Variants in MEGF10 observed in about 807,000 individuals in gnomAD.
MEGF10 encodes multiple epidermal growth factor-like domains protein 10.
A neutral mutation model predicts 147.5 loss-of-function variants in MEGF10; 86 were observed. The observed-to-expected ratio is 0.58, with a 90% CI of 0.49 to 0.70. MEGF10 has a LOEUF of 0.70. Ranked by LOEUF, MEGF10 falls within the 30% of genes least tolerant of loss-of-function variation. The pLI is 0.00. For synonymous variants in MEGF10, 478 were observed against 525.5 expected, an observed-to-expected ratio of 0.91 and a Z score of 1.24; for missense variants, 1,329 against 1,487.3, an observed-to-expected ratio of 0.89 and a Z score of 1.75.
rs535176618 is a variant in MEGF10 at position 127,317,727 on chromosome 5, G to A, written c.-18-13564G>A. ...AGAACACTTGGACACAGGGTGGGGA[G>A]CATCACACACCAGGGCCTGTCATGT... is the stretch of plus-strand genomic sequence containing the variant. On this transcript the variant is annotated intron_variant, in intron 1 of 24. Transcript: ENST00000503335. 4.6e-5 allele frequency among the ~76,000 whole-genome samples: 7 copies of A among 152,246 alleles called. No homozygotes were observed. The South Asian group carries it at 1.5e-3, about 32-fold the overall frequency.
intron 16 of MEGF10, among the ~76,000 whole-genome samples, chr5:127,436,899 A>G (rs1322105742): frequency 6.6e-6 from 1 of 152,214 alleles, no homozygotes; most frequent in Non-Finnish European, 1.5e-5. Flanking sequence ...CAGTGAAAAC[A>G]CAGACTTTGA....
At chr5:127,311,172 T>C (rs2161283) in intron 1 of MEGF10, among the ~76,000 whole-genome samples, 56,677 of 152,152 alleles carry the variant, frequency 0.37, 12,593 homozygotes, top group Non-Finnish European at 0.51. Flanking sequence ...TCTCATACTT[T>C]ACTCACTATT....
intron 4 of MEGF10, among the ~76,000 whole-genome samples, chr5:127,353,531 T>C (rs529023512): frequency 6.6e-6 from 1 of 152,306 alleles, no homozygotes; most frequent in South Asian, 2.1e-4. Flanking sequence ...TGTTCTTGGC[T>C]TCATCTCCAC....
chr5:127,341,430 G>A (rs1761680143), intron 4 of MEGF10, among the ~76,000 whole-genome samples: 1 of 152,178 alleles, frequency 6.6e-6, no homozygotes, highest in South Asian at 2.1e-4. Flanking sequence ...GAGGCACCAG[G>A]AATGACTGGA....
At chr5:127,245,384 T>C in the MEGF10 span, among the ~76,000 whole-genome samples, 1 of 151,942 alleles carries the variant, frequency 6.6e-6, no homozygotes, top group African/African-American at 2.4e-5. Flanking sequence ...ATAGATGGTG[T>C]TGGGAAAACT....
At chr5:127,444,309 C>T (rs188731533) in intron 19 of MEGF10, 26 of 152,296 alleles carry the variant, frequency 1.7e-4, no homozygotes, top group African/African-American at 5.5e-4. Flanking sequence ...GGTAAAATGA[C>T]TTTTACATGC....
chr5:127,246,666 G>A, the MEGF10 span, among the ~76,000 whole-genome samples: 1 of 150,086 alleles, frequency 6.7e-6, no homozygotes, highest in Non-Finnish European at 1.5e-5. Flanking sequence ...TTGTAATGTG[G>A]TTGTGAAACT....
At chr5:127,360,812 TTA>T (rs201438895) in intron 4 of MEGF10, among the ~76,000 whole-genome samples, 2 of 151,566 alleles carry the variant, frequency 1.3e-5, no homozygotes, top group Non-Finnish European at 1.5e-5. Flanking sequence ...TATATATAGG[TTA>T]TATATATATG....
chr5:127,301,490 G>A (rs1759770158), intron 1 of MEGF10, among the ~76,000 whole-genome samples: 1 of 151,958 alleles, frequency 6.6e-6, no homozygotes. Context: ...CCTTCATTTT[G>A]GCCATTGGAC....
chr5:127,263,949 A>T, the MEGF10 span, among the ~76,000 whole-genome samples: 1 of 152,162 alleles, frequency 6.6e-6, no homozygotes, highest in Admixed American at 6.6e-5. Context: ...TAAAAGAAAT[A>T]GACTGTGGGA....
intron 9 of MEGF10, among the ~76,000 whole-genome samples, chr5:127,413,359 A>G (rs936770594): frequency 6.6e-6 from 1 of 152,204 alleles, no homozygotes; most frequent in Non-Finnish European, 1.5e-5. Context: ...GCTTTTGGTA[A>G]TAAAGACATT....
At chr5:127,317,606 T>C (rs1237335067) in intron 1 of MEGF10, among the ~76,000 whole-genome samples, 1 of 152,104 alleles carries the variant, frequency 6.6e-6, no homozygotes. Flanking sequence ...TGCAGGGACA[T>C]GGATGAAGCT....
chr5:127,256,620 G>T, the MEGF10 span, among the ~76,000 whole-genome samples: 4 of 152,022 alleles, frequency 2.6e-5, no homozygotes, highest in Non-Finnish European at 1.5e-5. Flanking sequence ...TATTACTGTG[G>T]TCCCTATACC....
At chr5:127,398,883 C>A in intron 7 of MEGF10, 87 bp downstream of exon 7, 1 of 1,551,696 alleles carries the variant, frequency 6.4e-7, no homozygotes, top group Non-Finnish European at 8.8e-7. Context: ...GAGACTTTAG[C>A]ACAAAGGAAA....
rs893376574 is a variant in MEGF10 at position 127,402,636 on chromosome 5, G to A, written c.871G>A (p.Ala291Thr). ...CQCHNGGTCD[A>T]ATGQCHCSPG... is the part of the protein sequence containing the mutation. ...GTGCCATAATGGAGGGACGTGTGAT[G>A]CTGCCACAGGCCAATGTCATTGCAG... is the stretch of plus-strand genomic sequence containing the variant. The change falls in exon 8 of 25, where the codon GCT becomes ACT. Residue 291 changes from alanine to threonine, a missense_variant. Ala to Thr is a moderately conservative substitution (Grantham distance 58, BLOSUM62 0). Coordinates refer to ENST00000503335, the MANE Select transcript of MEGF10 (RefSeq NM_001256545.2). 6.2e-7 allele frequency: 1 copy of A among 1,614,112 alleles called. No homozygotes were observed. The highest frequency in any genetic ancestry group is 1.3e-5 in the African/African-American group (1 of 75,032).
At chr5:127,453,233 A>G (rs1324650406) in intron 22 of MEGF10, among the ~76,000 whole-genome samples, 2 of 152,168 alleles carry the variant, frequency 1.3e-5, no homozygotes, top group Non-Finnish European at 2.9e-5. Context: ...TTGTATTTCA[A>G]AAGATTAGTG....
intron 9 of MEGF10, 27 bp downstream of exon 9, chr5:127,410,628 C>T (rs757840413): frequency 9.0e-6 from 14 of 1,555,964 alleles, no homozygotes; most frequent in African/African-American, 2.7e-5. Context: ...CCTGGAAGGA[C>T]GTGTCCTGTG....
intron 12 of MEGF10, 87 bp downstream of exon 12, chr5:127,420,294 C>A: frequency 6.8e-7 from 1 of 1,467,756 alleles, no homozygotes; most frequent in Non-Finnish European, 9.2e-7. Context: ...TTCCTGACTT[C>A]AAGTGGCTCA....
At chr5:127,440,649 A>C in intron 17 of MEGF10, 90 bp from the exon 18 acceptor site, 1 of 1,396,036 alleles carries the variant, frequency 7.2e-7, no homozygotes, top group Non-Finnish European at 9.9e-7. Context: ...GTGTCATTCA[A>C]GTTTAAACAC....
Sources: gnomAD v4.1 joint callset for allele counts (sites outside exome capture counted in the v4.1 genomes callset) on GRCh38, gnomAD v4.1.1 for gene constraint, MANE v1.5 for transcripts, NCBI Gene and HGNC (gene_info 2026-07-23, HGNC 2026-07-21) for gene names.